Variants in STK33 observed in about 807,000 individuals in gnomAD.
STK33 encodes serine/threonine kinase 33.
Under a neutral mutation model 58.0 loss-of-function variants are expected in STK33, and 52 were observed. The ratio of observed to expected loss-of-function variants is 0.90; its 90% CI spans 0.72 to 1.13. The LOEUF is 1.13. Ranked by LOEUF, STK33 falls within the 50% of genes most tolerant of loss-of-function variation. The probability of loss-of-function intolerance (pLI) is 0.00; values close to 1 mark genes in which losing one functional copy is unlikely to be tolerated. For synonymous variants in STK33, 215 were observed against 200.1 expected, an observed-to-expected ratio of 1.07 and a Z score of -0.63; for missense variants, 630 against 604.2, an observed-to-expected ratio of 1.04 and a Z score of -0.45.
chr11:8,508,691 G>A (rs1174333616), intron 1 of STK33, among the ~76,000 whole-genome samples: 1 of 152,078 alleles, frequency 6.6e-6, no homozygotes, highest in African/African-American at 2.4e-5. Context: ...TGACCAAACT[G>A]GTATTGAAAA....
At chr11:8,507,625 T>C (rs1474359421) in intron 1 of STK33, among the ~76,000 whole-genome samples, 1 of 151,954 alleles carries the variant, frequency 6.6e-6, no homozygotes, top group Non-Finnish European at 1.5e-5. Context: ...ATAAGGGGGA[T>C]GGGGGGGTAC....
chr11:8,505,883 C>A (rs768052248), intron 1 of STK33, among the ~76,000 whole-genome samples: 2 of 152,146 alleles, frequency 1.3e-5, no homozygotes, highest in Non-Finnish European at 2.9e-5. Context: ...TAGCTGTGAG[C>A]CCTCTGTTAA....
intron 15 of STK33, among the ~76,000 whole-genome samples, chr11:8,410,333 T>C (rs972190823): frequency 6.6e-6 from 1 of 152,180 alleles, no homozygotes; most frequent in African/African-American, 2.4e-5. Context: ...TAAACCACCA[T>C]GCCTTTCTAC....
chr11:8,346,279 G>A, the STK33 span, among the ~76,000 whole-genome samples: 4 of 152,188 alleles, frequency 2.6e-5, no homozygotes, highest in African/African-American at 4.8e-5. Flanking sequence ...CTTTAGTTAC[G>A]GGGCACCGTG....
At chr11:8,398,248 C>T (rs1173158467) in intron 15 of STK33, among the ~76,000 whole-genome samples, 1 of 152,224 alleles carries the variant, frequency 6.6e-6, no homozygotes, top group South Asian at 2.1e-4. Flanking sequence ...GCCCATCAGA[C>T]TAACAGCTGA....
At chr11:8,523,106 C>T (rs1004860215) in intron 1 of STK33, among the ~76,000 whole-genome samples, 1 of 152,228 alleles carries the variant, frequency 6.6e-6, no homozygotes, top group African/African-American at 2.4e-5. Context: ...CAATGTTGCC[C>T]AGGCTGGAGG....
intron 8 of STK33, among the ~76,000 whole-genome samples, chr11:8,460,253 A>C (rs1018919284): frequency 6.6e-6 from 1 of 152,196 alleles, no homozygotes; most frequent in Non-Finnish European, 1.5e-5. Flanking sequence ...GGGGAGAAAA[A>C]ACAATAAATT....
intron 1 of STK33, among the ~76,000 whole-genome samples, chr11:8,491,955 G>A (rs7933527): frequency 0.11 from 16,306 of 152,056 alleles, 988 homozygotes; most frequent in African/African-American, 0.14. Context: ...CACCAAACAC[G>A]GAAAGGAACA....
At chr11:8,492,041 A>G (rs542861297) in intron 1 of STK33, among the ~76,000 whole-genome samples, 31 of 152,268 alleles carry the variant, frequency 2.0e-4, no homozygotes, top group Non-Finnish European at 4.3e-4. Context: ...ATCAACTAAC[A>G]GGCAAAATAA....
the STK33 span, among the ~76,000 whole-genome samples, chr11:8,378,263 A>T: frequency 6.6e-6 from 1 of 152,248 alleles, no homozygotes; most frequent in Admixed American, 6.5e-5. Context: ...TCAAGCCTGT[A>T]ATCCCAGCAC....
chr11:8,537,228 C>T (rs1015919335), intron 1 of STK33, among the ~76,000 whole-genome samples: 1 of 151,740 alleles, frequency 6.6e-6, no homozygotes, highest in Admixed American at 6.6e-5. Flanking sequence ...GATCCGCCGA[C>T]CTCAGCCTCC....
the STK33 span, among the ~76,000 whole-genome samples, chr11:8,378,959 C>G: frequency 0.5 from 75,814 of 151,966 alleles, 19,569 homozygotes; most frequent in South Asian, 0.61. Context: ...TAGACCAATG[C>G]AACAGAAAAG....
At position 8,568,486 on chromosome 11, in the gene STK33, G is replaced by A. The variant is rs1386706210; in HGVS notation, c.-466+25597C>T. Among the ~76,000 whole-genome samples, 3 of 152,126 alleles carry A rather than the reference G, an allele frequency of 2.0e-5. No individual in the cohort carries two copies. The East Asian group carries it at 5.8e-4, about 29-fold the overall frequency. On this transcript the variant is annotated intron_variant, in intron 1 of 15. Coordinates refer to ENST00000687296, the MANE Select transcript of STK33 (RefSeq NM_001352389.2). ...GTCAGACAACTTCTAGAAAGCATCAGACATATTGTAACATAATTCGCTCTG... is the reference window on the plus strand; with the variant it reads ...GTCAGACAACTTCTAGAAAGCATCAAACATATTGTAACATAATTCGCTCTG...
the STK33 span, among the ~76,000 whole-genome samples, chr11:8,375,852 A>T: frequency 6.6e-6 from 1 of 152,180 alleles, no homozygotes; most frequent in East Asian, 1.9e-4. Flanking sequence ...TGGAACTGTG[A>T]GTCAATTAAG....
intron 15 of STK33, among the ~76,000 whole-genome samples, chr11:8,395,817 G>C (rs372808856): frequency 1.3e-5 from 2 of 152,188 alleles, no homozygotes; most frequent in Admixed American, 1.3e-4. Context: ...TTTTAGAAGA[G>C]AAATTCTTCG....
intron 11 of STK33, among the ~76,000 whole-genome samples, chr11:8,450,227 T>TA (rs1191949809): frequency 3.3e-5 from 5 of 151,960 alleles, no homozygotes; most frequent in Non-Finnish European, 5.9e-5. Context: ...TATGCAGCCA[T>TA]AAAAAAGGAT....
chr11:8,429,362 G>A (rs1481330477), intron 14 of STK33, among the ~76,000 whole-genome samples: 2 of 152,132 alleles, frequency 1.3e-5, no homozygotes, highest in Admixed American at 6.6e-5. Context: ...TGAACAGATT[G>A]TTCCAAAAAC....
intron 14 of STK33, chr11:8,434,196 C>T (rs938374882): frequency 1.1e-5 from 2 of 174,024 alleles, no homozygotes; most frequent in Non-Finnish European, 2.3e-5. Context: ...TGCAGTGAGC[C>T]GAGATTGTGT....
At chr11:8,532,561 C>T (rs1261533935) in intron 1 of STK33, among the ~76,000 whole-genome samples, 1 of 152,158 alleles carries the variant, frequency 6.6e-6, no homozygotes, top group Non-Finnish European at 1.5e-5. Context: ...TTTGGATATT[C>T]TGCTGACATA....
Sources: allele counts gnomAD v4.1 joint callset (sites outside exome capture counted in the v4.1 genomes callset), GRCh38; gene constraint gnomAD v4.1.1; transcripts MANE v1.5; gene names NCBI Gene and HGNC (gene_info 2026-07-23, HGNC 2026-07-21).